Variants in POC1B observed in about 807,000 individuals in gnomAD.
POC1B encodes the protein POC1 centriolar protein homolog B.
POC1B carries 44 observed loss-of-function variants against 60.6 expected under a neutral mutation model. That is an observed-to-expected ratio of 0.73 (90% CI 0.57 to 0.93). The LOEUF is 0.93. Among genes scored for constraint, POC1B ranks in the 40% least tolerant of loss-of-function variants. POC1B has a pLI of 0.00. For synonymous variants in POC1B, 180 were observed against 198.9 expected (o/e 0.90, Z 0.80); for missense variants, 555 against 572.3 (o/e 0.97, Z 0.31).
chr12:89,409,405 T>C, the POC1B span, among the ~76,000 whole-genome samples: 4 of 152,210 alleles, frequency 2.6e-5, no homozygotes, highest in African/African-American at 9.6e-5. Flanking sequence ...CTTGTTTTTG[T>C]CAGGTTTATC....
intron 10 of POC1B, among the ~76,000 whole-genome samples, chr12:89,451,861 C>T (rs1476382367): frequency 2.0e-5 from 3 of 152,158 alleles, no homozygotes; most frequent in Non-Finnish European, 2.9e-5. Context: ...ATGTGCAGAA[C>T]AGTTGAAAGC....
At chr12:89,493,012 T>C (rs147417694) in intron 3 of POC1B, among the ~76,000 whole-genome samples, 2 of 152,168 alleles carry the variant, frequency 1.3e-5, no homozygotes, top group Non-Finnish European at 2.9e-5. Context: ...AATCCCAGCG[T>C]AAATGTGTCA....
chr12:89,504,436 T>C (rs1359805425), intron 2 of POC1B, among the ~76,000 whole-genome samples: 3 of 152,220 alleles, frequency 2.0e-5, no homozygotes, highest in Non-Finnish European at 4.4e-5. Flanking sequence ...CACCACTCCC[T>C]AACCTCAAGT....
chr12:89,502,396 T>C (rs983679360), intron 2 of POC1B: 1 of 1,546,808 alleles, frequency 6.5e-7, no homozygotes, highest in Non-Finnish European at 8.9e-7. Context: ...AGGAAGGCCA[T>C]CAGGAGGATT....
Position 89,420,268 on chromosome 12 carries a change from A to G in POC1B, c.*885T>C, listed in dbSNP as rs769112024. On this transcript the variant is annotated 3_prime_UTR_variant, in exon 12 of 12. Coordinates refer to ENST00000313546, the MANE Select transcript of POC1B (RefSeq NM_172240.3). ...GGAAGATGATGATGCAAAAATTTTA[A>G]AAAGTACTTACTATTTAGCTGCCCA... 6.6e-6 allele frequency: 1 copy of G among 152,230 alleles called. No individual in the cohort carries two copies. The highest frequency in any genetic ancestry group is 1.5e-5 in the Non-Finnish European group (1 of 68,032). 9.4% of individuals were successfully genotyped at this position (152,230 alleles called of 1,614,324 possible). A position where few individuals can be genotyped will look rare whatever the true frequency, so the allele number is the denominator to read the frequency against.
intron 2 of POC1B, chr12:89,523,303 C>T (rs1284710176): frequency 6.8e-6 from 11 of 1,613,952 alleles, no homozygotes; most frequent in African/African-American, 2.7e-5. Flanking sequence ...CAACCGCTCT[C>T]GTAGTAATTT....
chr12:89,429,521 A>G (rs2120670279), intron 10 of POC1B: 1 of 152,362 alleles, frequency 6.6e-6, no homozygotes, highest in African/African-American at 2.4e-5. Flanking sequence ...TGCTTCTCTC[A>G]GCACATTGAG....
chr12:89,522,340 A>G, intron 2 of POC1B: 2 of 395,936 alleles, frequency 5.1e-6, no homozygotes, highest in Non-Finnish European at 8.9e-6. Context: ...AATAAAATCT[A>G]AAATTTAATG....
intron 3 of POC1B, 24 bp downstream of exon 3, chr12:89,497,147 C>G (rs1459294399): frequency 1.2e-6 from 2 of 1,606,628 alleles, no homozygotes; most frequent in African/African-American, 2.7e-5. Flanking sequence ...CAAAGGATAT[C>G]AAGTGTTTCT....
intron 5 of POC1B, 115 bp from the exon 6 acceptor site, chr12:89,471,844 C>G (rs985287854): frequency 6.4e-6 from 4 of 628,992 alleles, no homozygotes; most frequent in Non-Finnish European, 1.1e-5. Flanking sequence ...GTCAGCTCAC[C>G]GCAACCTCCG....
intron 2 of POC1B, chr12:89,522,780 A>G (rs1870994905): frequency 6.5e-7 from 1 of 1,533,902 alleles, no homozygotes; most frequent in South Asian, 1.3e-5. Context: ...TCTTGACACT[A>G]CTGTCAGCTC....
intron 10 of POC1B, among the ~76,000 whole-genome samples, chr12:89,436,693 G>C (rs924251645): frequency 6.6e-6 from 1 of 150,560 alleles, no homozygotes; most frequent in African/African-American, 2.4e-5. Context: ...CAGCTTGGGC[G>C]ATGGAGCAAG....
the POC1B span, among the ~76,000 whole-genome samples, chr12:89,402,938 G>A: frequency 6.7e-6 from 1 of 150,126 alleles, no homozygotes; most frequent in Non-Finnish European, 1.5e-5. Flanking sequence ...AGGCTGGTCT[G>A]GAACTTCTGC....
At chr12:89,454,137 G>A (rs912337732) in intron 10 of POC1B, among the ~76,000 whole-genome samples, 4 of 152,104 alleles carry the variant, frequency 2.6e-5, no homozygotes, top group African/African-American at 7.2e-5. Context: ...GGAAAACCAC[G>A]ATTCTTTTTC....
Position 89,420,416 on chromosome 12 carries a change from G to A in POC1B, c.*737C>T, listed in dbSNP as rs1194282296. ...GAAAACACACTAACATAATTTTTGT[G>A]AACCATGATCAGATACAACCCAAAT... is the stretch of plus-strand genomic sequence containing the variant. On this transcript the variant is annotated 3_prime_UTR_variant, in exon 12 of 12. Transcript: ENST00000313546. The A allele has an allele frequency of 6.6e-6, 1 of 152,066 alleles. No individual in the cohort carries two copies. The highest frequency in any genetic ancestry group is 1.5e-5 in the Non-Finnish European group (1 of 68,012). The allele number at this position is 152,066 out of a possible 1,614,324, so 9.4% of individuals were successfully genotyped here.
intron 2 of POC1B, among the ~76,000 whole-genome samples, 160 bp from the exon 3 acceptor site, chr12:89,497,502 T>C (rs1869318240): frequency 6.6e-6 from 1 of 152,222 alleles, no homozygotes; most frequent in Admixed American, 6.5e-5. Flanking sequence ...TTTTTAAAGG[T>C]ACTCAAAACT....
Position 89,425,259 on chromosome 12 carries a change from CTTCTG to C in POC1B, c.1229_1233del (p.Thr410ArgfsTer4). 1 of 1,614,086 alleles carries C rather than the reference CTTCTG, an allele frequency of 6.2e-7. No individual in the cohort carries two copies. Among genetic ancestry groups the C allele is most frequent in the East Asian group, 2.2e-5 (1 of 44,868 alleles). On this transcript the variant is annotated frameshift_variant, in exon 11 of 12. Transcript: ENST00000313546. LOFTEE classifies it high-confidence loss of function. ...CTTTCACAGGGGAGGTCACTCATGTCTTCTGTTTTCTTTTTCGTGGTTGTTGGCAA... is the reference window on the plus strand; with the variant it reads ...CTTTCACAGGGGAGGTCACTCATGTCTTTTCTTTTTCGTGGTTGTTGGCAA...
chr12:89,411,735 A>G, the POC1B span, among the ~76,000 whole-genome samples: 3 of 152,194 alleles, frequency 2.0e-5, no homozygotes, highest in Non-Finnish European at 2.9e-5. Context: ...CAACATCACC[A>G]GTTGTGAGAC....
At chr12:89,442,425 G>A (rs1476764700) in intron 10 of POC1B, among the ~76,000 whole-genome samples, 2 of 152,202 alleles carry the variant, frequency 1.3e-5, no homozygotes, top group African/African-American at 4.8e-5. Flanking sequence ...AACTCTACAA[G>A]CCAGAAGGGA....
Sources: allele counts gnomAD v4.1 joint callset (sites outside exome capture counted in the v4.1 genomes callset), GRCh38; gene constraint gnomAD v4.1.1; transcripts MANE v1.5; gene names NCBI Gene and HGNC (gene_info 2026-07-23, HGNC 2026-07-21).